DLG2: variants seen among roughly 807,000 people sequenced by gnomAD.
DLG2 encodes the protein disks large homolog 2.
In DLG2, 45 loss-of-function variants were observed where a neutral mutation model predicts 132.5. That is an observed-to-expected ratio of 0.34 (90% CI 0.27 to 0.44). The LOEUF (loss-of-function observed/expected upper bound fraction) is 0.44, where lower values mean the gene tolerates loss of function less well. Ranked by LOEUF, DLG2 falls within the 20% of genes least tolerant of loss-of-function variation. The pLI, the probability that DLG2 is intolerant of heterozygous loss-of-function variation, is 1.00. For missense variants in DLG2, 1,045 were observed against 1,196.9 expected (o/e 0.87, Z 1.87); for synonymous variants, 424 against 419.6 (o/e 1.01, Z -0.13).
intron 11 of DLG2, among the ~76,000 whole-genome samples, chr11:84,035,779 C>CTGCAGTAG (rs1408934290): frequency 3.8e-4 from 58 of 152,304 alleles, no homozygotes; most frequent in Non-Finnish European, 4.4e-5. Context: ...TTGAGTACTA[C>CTGCAGTAG]TGCAGTAGTC....
chr11:83,750,507 A>T (rs964688463), intron 18 of DLG2, among the ~76,000 whole-genome samples: 1 of 152,234 alleles, frequency 6.6e-6, no homozygotes, highest in Non-Finnish European at 1.5e-5. Flanking sequence ...GAGGTGCCAT[A>T]GAAGCAATAG....
chr11:83,525,612 T>C (rs1394614094), intron 21 of DLG2, among the ~76,000 whole-genome samples: 2 of 152,168 alleles, frequency 1.3e-5, no homozygotes, highest in African/African-American at 2.4e-5. Flanking sequence ...TAGCCTCTTC[T>C]GAGTTTATTC....
chr11:85,068,595 G>A (rs898352288), intron 6 of DLG2, among the ~76,000 whole-genome samples: 4 of 151,960 alleles, frequency 2.6e-5, no homozygotes, highest in Non-Finnish European at 5.9e-5. Flanking sequence ...AACTTACAAG[G>A]GACGTGAAGG....
chr11:85,606,646 C>T (rs1459332695), intron 2 of DLG2, among the ~76,000 whole-genome samples: 1 of 152,152 alleles, frequency 6.6e-6, no homozygotes, highest in Non-Finnish European at 1.5e-5. Context: ...ACTGTGGAAG[C>T]TTTGTTCTTT....
chr11:84,317,175 T>C lies in DLG2; in HGVS notation c.520-65884A>G, dbSNP rs766026320. On this transcript the variant is annotated intron_variant, in intron 7 of 27. Transcript: ENST00000376104. The stretch of plus-strand genomic sequence containing the variant: ...CACTGATGCCTACTCTTTCCTTTGG[T>C]CAGCTCTGCACAGAAATGTCTCCTC... The C allele has an allele frequency of 1.2e-5, 19 of 1,586,162 alleles. 2 individuals carry two copies. The South Asian group carries it at 2.2e-4, about 18-fold the overall frequency.
At chr11:85,168,420 TATAAC>T (rs902679058) in intron 4 of DLG2, among the ~76,000 whole-genome samples, 2 of 152,110 alleles carry the variant, frequency 1.3e-5, no homozygotes, top group African/African-American at 2.4e-5. Flanking sequence ...TTTGAAGTAT[TATAAC>T]AGAATGATAT....
At chr11:84,420,383 T>G (rs947493428) in intron 7 of DLG2, among the ~76,000 whole-genome samples, 1 of 152,096 alleles carries the variant, frequency 6.6e-6, no homozygotes, top group African/African-American at 2.4e-5. Context: ...AATACGATAT[T>G]CCTAAGGATA....
intron 3 of DLG2, among the ~76,000 whole-genome samples, chr11:85,333,008 C>G (rs146424351): frequency 7.2e-5 from 11 of 152,046 alleles, no homozygotes; most frequent in Admixed American, 7.2e-4. Context: ...TAGTTTGATA[C>G]GAATAGCATT....
At chr11:84,725,821 A>G (rs1428690926) in intron 6 of DLG2, among the ~76,000 whole-genome samples, 1 of 152,098 alleles carries the variant, frequency 6.6e-6, no homozygotes, top group Non-Finnish European at 1.5e-5. Flanking sequence ...GTAAATTATA[A>G]AGGCTTTGTG....
At chr11:83,654,717 G>T (rs1238249788) in intron 18 of DLG2, among the ~76,000 whole-genome samples, 1 of 152,210 alleles carries the variant, frequency 6.6e-6, no homozygotes, top group African/African-American at 2.4e-5. Context: ...TTGTATGAGC[G>T]ACTTAAATAC....
chr11:85,005,680 C>A (rs1424102800), intron 6 of DLG2, among the ~76,000 whole-genome samples: 2 of 152,148 alleles, frequency 1.3e-5, no homozygotes, highest in Non-Finnish European at 2.9e-5. Flanking sequence ...CAAACAGAGA[C>A]AATTTACTTC....
At chr11:85,395,644 T>G (rs2087266394) in intron 3 of DLG2, among the ~76,000 whole-genome samples, 1 of 152,132 alleles carries the variant, frequency 6.6e-6, no homozygotes. Context: ...CACAGAGACT[T>G]GCTCACTGCT....
At chr11:85,307,282 G>A (rs1307965524) in intron 3 of DLG2, among the ~76,000 whole-genome samples, 2 of 151,974 alleles carry the variant, frequency 1.3e-5, no homozygotes, top group Non-Finnish European at 2.9e-5. Context: ...AACAGAAATC[G>A]AAGAAATAGA....
At chr11:85,142,082 A>T (rs1326449139) in intron 5 of DLG2, among the ~76,000 whole-genome samples, 1 of 151,758 alleles carries the variant, frequency 6.6e-6, no homozygotes, top group Non-Finnish European at 1.5e-5. Context: ...TTACTTTGTT[A>T]TTTCTGTGAA....
intron 6 of DLG2, among the ~76,000 whole-genome samples, chr11:84,594,185 G>A (rs2154531094): frequency 6.6e-6 from 1 of 152,280 alleles, no homozygotes. Context: ...AGGAATTGAA[G>A]ATGCTGTAAC....
intron 6 of DLG2, among the ~76,000 whole-genome samples, chr11:84,821,204 C>G (rs921117543): frequency 1.3e-5 from 2 of 151,792 alleles, no homozygotes; most frequent in South Asian, 2.1e-4. Context: ...AGACAACAGA[C>G]GAACAACTGT....
intron 6 of DLG2, among the ~76,000 whole-genome samples, chr11:84,659,021 A>G (rs926482481): frequency 2.0e-5 from 3 of 152,160 alleles, no homozygotes; most frequent in Admixed American, 1.3e-4. Flanking sequence ...CCAAGCTCCC[A>G]TAACTGTGAG....
intron 2 of DLG2, among the ~76,000 whole-genome samples, chr11:85,603,058 G>C (rs1051514438): frequency 1.2e-4 from 18 of 152,064 alleles, no homozygotes; most frequent in African/African-American, 3.9e-4. Context: ...AGTAAGATTA[G>C]AAATATAGAA....
At chr11:84,241,671 A>T (rs141310383) in intron 8 of DLG2, among the ~76,000 whole-genome samples, 69 of 152,142 alleles carry the variant, frequency 4.5e-4, no homozygotes, top group African/African-American at 1.6e-3. Context: ...TGTGCCTTAG[A>T]TATGTTTATT....
Sources: allele counts gnomAD v4.1 joint callset (sites outside exome capture counted in the v4.1 genomes callset), GRCh38; gene constraint gnomAD v4.1.1; transcripts MANE v1.5; gene names NCBI Gene and HGNC (gene_info 2026-07-23, HGNC 2026-07-21).